SYNJ1: variants seen among roughly 807,000 people sequenced by gnomAD.
SYNJ1 encodes polyphosphatidylinositol phosphatase SYNJ1.
Under a neutral mutation model 168.2 loss-of-function variants are expected in SYNJ1, and 78 were observed. The ratio of observed to expected loss-of-function variants is 0.46; its 90% CI spans 0.39 to 0.56. SYNJ1 has a LOEUF of 0.56. SYNJ1 is among the 20% of genes least tolerant of loss of function. The pLI, the probability that SYNJ1 is intolerant of heterozygous loss-of-function variation, is 0.00. For missense variants in SYNJ1, 1,303 were observed against 1,597.6 expected, an observed-to-expected ratio of 0.82 and a Z score of 3.14; for synonymous variants, 539 against 548.6, an observed-to-expected ratio of 0.98 and a Z score of 0.24.
intron 13 of SYNJ1, among the ~76,000 whole-genome samples, chr21:32,673,769 A>G (rs1299603890): frequency 3.9e-5 from 6 of 152,032 alleles, no homozygotes; most frequent in African/African-American, 7.2e-5. Context: ...TACAATAGCC[A>G]AAGTAAAAAA....
intron 2 of SYNJ1, among the ~76,000 whole-genome samples, chr21:32,722,739 C>T (rs917208301): frequency 1.3e-5 from 2 of 152,090 alleles, no homozygotes; most frequent in Non-Finnish European, 2.9e-5. Flanking sequence ...GACACACAGG[C>T]CTTTTCCTCA....
At chr21:32,634,944 A>T (rs1425458822) in intron 31 of SYNJ1, 60 bp from the exon 32 acceptor site, 1 of 1,572,974 alleles carries the variant, frequency 6.4e-7, no homozygotes, top group Non-Finnish European at 8.7e-7. Flanking sequence ...GAGATCAACC[A>T]GCAACCCTAA....
rs117007915 is a variant in SYNJ1 at position 32,715,165 on chromosome 21, G to A, written c.124+11607C>T. On this transcript the variant is annotated intron_variant, in intron 2 of 32. Transcript: ENST00000674351. ...GAAATTTATTTAATTATAAGATTCTGGAATTTAAAAATAAAAACAAAAAGA... is the reference window on the plus strand; with the variant it reads ...GAAATTTATTTAATTATAAGATTCTAGAATTTAAAAATAAAAACAAAAAGA... Among the ~76,000 whole-genome samples, 765 of 152,194 alleles carry A rather than the reference G, an allele frequency of 5.0e-3. 4 individuals carry two copies. Among genetic ancestry groups the A allele is most frequent in the Middle Eastern group, 0.017 (5 of 294 alleles).
chr21:32,646,876 C>T (rs1285710634), intron 23 of SYNJ1, among the ~76,000 whole-genome samples: 1 of 152,092 alleles, frequency 6.6e-6, no homozygotes, highest in Non-Finnish European at 1.5e-5. Context: ...TTTCAATATG[C>T]CCCAGAGCAG....
chr21:32,704,818 G>A (rs2042546380), intron 2 of SYNJ1, among the ~76,000 whole-genome samples: 1 of 152,140 alleles, frequency 6.6e-6, no homozygotes, highest in Non-Finnish European at 1.5e-5. Context: ...ACTCACAAAT[G>A]CAAACAGAGA....
At position 32,681,484 on chromosome 21, in the gene SYNJ1, A is replaced by C; in HGVS notation, c.1353+12T>G. On this transcript the variant is annotated intron_variant, in intron 11 of 32. Coordinates refer to ENST00000674351, the MANE Select transcript of SYNJ1 (RefSeq NM_203446.3). ...AGGATATTCTGTAATGTTATGATAG[A>C]TCTAGATATACCTTCGCTTTCCCTT... 6.2e-7 allele frequency: 1 copy of C among 1,607,200 alleles called. No individual in the cohort carries two copies. Among genetic ancestry groups the C allele is most frequent in the Non-Finnish European group, 8.5e-7 (1 of 1,176,514 alleles).
intron 31 of SYNJ1, among the ~76,000 whole-genome samples, chr21:32,635,805 G>A (rs1361458656): frequency 6.6e-6 from 1 of 151,696 alleles, no homozygotes; most frequent in African/African-American, 2.4e-5. Context: ...TTAGTTGGAA[G>A]GTACAAGAAA....
intron 2 of SYNJ1, among the ~76,000 whole-genome samples, chr21:32,708,547 C>T (rs2042700350): frequency 6.6e-6 from 1 of 152,192 alleles, no homozygotes; most frequent in Non-Finnish European, 1.5e-5. Context: ...CCATCAAGAT[C>T]GACAGCAGTT....
Position 32,638,899 on chromosome 21 carries a change from G to T in SYNJ1, c.3915+9C>A. ...AAAGATAATATTTTGTGTAACAAAT[G>T]AGACTTACTTGCGGTTGTGAGGAAG... On this transcript the variant is annotated intron_variant, in intron 31 of 32. Coordinates refer to ENST00000674351, the MANE Select transcript of SYNJ1 (RefSeq NM_203446.3). 3 of 1,585,254 alleles carry T rather than the reference G, an allele frequency of 1.9e-6. No individual in the cohort carries two copies. Among genetic ancestry groups the T allele is most frequent in the Non-Finnish European group, 2.6e-6 (3 of 1,162,802 alleles).
chr21:32,656,476 C>A (rs953794352), intron 21 of SYNJ1, among the ~76,000 whole-genome samples: 6 of 152,114 alleles, frequency 3.9e-5, no homozygotes, highest in Admixed American at 3.9e-4. Context: ...TTTAAACTTT[C>A]TAAGTTGAGA....
At chr21:32,663,461 C>A (rs2145904109) in intron 18 of SYNJ1, among the ~76,000 whole-genome samples, 1 of 152,322 alleles carries the variant, frequency 6.6e-6, no homozygotes, top group South Asian at 2.1e-4. Context: ...ACAGCCCCCA[C>A]TGGATTATAC....
intron 2 of SYNJ1, among the ~76,000 whole-genome samples, chr21:32,720,552 T>C (rs2043184201): frequency 6.6e-6 from 1 of 152,204 alleles, no homozygotes; most frequent in Non-Finnish European, 1.5e-5. Flanking sequence ...AAGGACAACT[T>C]GGAGGAAAAC....
intron 12 of SYNJ1, 94 bp downstream of exon 12, chr21:32,678,551 T>C: frequency 1.5e-6 from 2 of 1,352,518 alleles, no homozygotes; most frequent in Non-Finnish European, 2.0e-6. Context: ...CAAAAACTAT[T>C]TTAACCAACT....
intron 12 of SYNJ1, among the ~76,000 whole-genome samples, chr21:32,678,083 T>C (rs1601392364): frequency 6.6e-6 from 1 of 152,128 alleles, no homozygotes; most frequent in Admixed American, 6.5e-5. Context: ...CAGTGGAAGG[T>C]GAAAACCTAT....
intron 18 of SYNJ1, 55 bp from the exon 19 acceptor site, chr21:32,657,927 T>C (rs778767240): frequency 2.8e-6 from 4 of 1,407,118 alleles, no homozygotes; most frequent in Non-Finnish European, 3.9e-6. Flanking sequence ...AGTTCTGTTT[T>C]CATTCAGACA....
intron 14 of SYNJ1, among the ~76,000 whole-genome samples, chr21:32,671,263 G>A (rs770306115): frequency 6.6e-6 from 1 of 151,722 alleles, no homozygotes; most frequent in African/African-American, 2.4e-5. Context: ...CCTATGATAT[G>A]GAGACTGCAC....
At chr21:32,702,569 G>A (rs888181059) in intron 2 of SYNJ1, among the ~76,000 whole-genome samples, 3 of 152,006 alleles carry the variant, frequency 2.0e-5, no homozygotes, top group South Asian at 2.1e-4. Flanking sequence ...ATCCTGAAAC[G>A]TTAAAGAAAA....
chr21:32,726,748 A>G, intron 2 of SYNJ1, 24 bp downstream of exon 2: 2 of 1,611,858 alleles, frequency 1.2e-6, no homozygotes, highest in Non-Finnish European at 1.7e-6. Flanking sequence ...ACCATGACAA[A>G]TTGGGCTCTA....
rs527490213 is a variant in SYNJ1 at position 32,686,691 on chromosome 21, A to G, written c.948+287T>C. The stretch of plus-strand genomic sequence containing the variant: ...TGCTATTTCTCTACTAGTGACAGAT[A>G]AACATTTTTGGCAAGGAGGGTATTT... On this transcript the variant is annotated intron_variant, in intron 8 of 32. Transcript: ENST00000674351. 1.1e-4 allele frequency among the ~76,000 whole-genome samples: 17 copies of G among 152,350 alleles called. No individual in the cohort carries two copies. In the East Asian group the frequency reaches 3.3e-3, roughly 29 times the overall value.
Sources: gnomAD v4.1 joint callset for allele counts (sites outside exome capture counted in the v4.1 genomes callset) on GRCh38, gnomAD v4.1.1 for gene constraint, MANE v1.5 for transcripts, NCBI Gene and HGNC (gene_info 2026-07-23, HGNC 2026-07-21) for gene names.